Variants in ULK4 observed in about 807,000 individuals in gnomAD.
ULK4 encodes inactive serine/threonine-protein kinase ULK4.
ULK4 carries 133 observed loss-of-function variants against 160.6 expected under a neutral mutation model. The observed-to-expected ratio is 0.83, with a 90% CI of 0.72 to 0.96. ULK4 has a LOEUF of 0.96. Ranked by LOEUF, ULK4 falls within the 40% of genes least tolerant of loss-of-function variation. The pLI is 0.00. For missense variants in ULK4, 1,580 were observed against 1,499.5 expected (o/e 1.05, Z -0.89); for synonymous variants, 534 against 539.8 (o/e 0.99, Z 0.15).
intron 12 of ULK4, among the ~76,000 whole-genome samples, chr3:41,905,999 T>C (rs1018951640): frequency 2.0e-5 from 3 of 151,764 alleles, no homozygotes; most frequent in African/African-American, 7.3e-5. Flanking sequence ...GGGCGGATCA[T>C]GAGATCAGGA....
At chr3:41,681,692 G>C (rs370629679) in intron 28 of ULK4, 40 bp from the exon 29 acceptor site, 1 of 1,613,838 alleles carries the variant, frequency 6.2e-7, no homozygotes, top group Non-Finnish European at 8.5e-7. Flanking sequence ...TGACTCCATG[G>C]AGACAGAATG....
intron 17 of ULK4, among the ~76,000 whole-genome samples, chr3:41,847,121 TG>T (rs923033166): frequency 6.6e-6 from 1 of 152,194 alleles, no homozygotes; most frequent in African/African-American, 2.4e-5. Flanking sequence ...CAAGTATGAC[TG>T]GGTGGAGCCA....
At chr3:41,911,266 GA>G in intron 11 of ULK4, 50 bp downstream of exon 11, 1 of 1,578,662 alleles carries the variant, frequency 6.3e-7, no homozygotes, top group South Asian at 1.1e-5. Context: ...GATGCTTTAA[GA>G]AAATTTAACT....
chr3:41,535,345 G>A (rs1426636880), intron 32 of ULK4, among the ~76,000 whole-genome samples: 3 of 152,192 alleles, frequency 2.0e-5, no homozygotes, highest in Non-Finnish European at 1.5e-5. Context: ...TCAGCCTTAT[G>A]ACAACCTACC....
intron 6 of ULK4, among the ~76,000 whole-genome samples, chr3:41,918,875 A>C (rs551428738): frequency 6.6e-6 from 1 of 152,176 alleles, no homozygotes; most frequent in Non-Finnish European, 1.5e-5. Flanking sequence ...TGCTGGGATT[A>C]CAGGCGTGAG....
At chr3:41,828,933 G>A (rs1218991153) in intron 18 of ULK4, among the ~76,000 whole-genome samples, 1 of 151,642 alleles carries the variant, frequency 6.6e-6, no homozygotes, top group Non-Finnish European at 1.5e-5. Flanking sequence ...GCATGGTACT[G>A]GTACCAAAAC....
chr3:41,447,316 C>T (rs941026321), intron 34 of ULK4, among the ~76,000 whole-genome samples: 12 of 152,062 alleles, frequency 7.9e-5, no homozygotes, highest in African/African-American at 2.7e-4. Context: ...GAAAAGAAGA[C>T]AGGAGAATGC....
At position 41,759,497 on chromosome 3, in the gene ULK4, T is replaced by C. The variant is rs533167923; in HGVS notation, c.2194-5009A>G. On this transcript the variant is annotated intron_variant, in intron 21 of 36. Coordinates refer to ENST00000301831, the MANE Select transcript of ULK4 (RefSeq NM_017886.4). The stretch of plus-strand genomic sequence containing the variant: ...GATTAAAGAAAACTTTTTAAACGTA[T>C]AAATAATGAAGAGACATTCCATGTT... 2.0e-5 allele frequency among the ~76,000 whole-genome samples: 3 copies of C among 152,276 alleles called. No homozygotes were observed. The South Asian group carries it at 6.2e-4, about 32-fold the overall frequency.
At chr3:41,471,728 A>G (rs946123988) in intron 32 of ULK4, among the ~76,000 whole-genome samples, 3 of 152,200 alleles carry the variant, frequency 2.0e-5, no homozygotes, top group Middle Eastern at 3.2e-3. Flanking sequence ...TGACAAATAC[A>G]TGAAAAACAA....
chr3:41,323,311 T>C (rs1313656715), intron 35 of ULK4, among the ~76,000 whole-genome samples: 1 of 150,978 alleles, frequency 6.6e-6, no homozygotes, highest in Non-Finnish European at 1.5e-5. Context: ...ATTAAATTCA[T>C]TAGAGTGGGG....
intron 30 of ULK4, among the ~76,000 whole-genome samples, chr3:41,650,150 T>C (rs2125737863): frequency 1.3e-5 from 2 of 152,294 alleles, no homozygotes; most frequent in African/African-American, 4.8e-5. Flanking sequence ...TTGGGTCTCC[T>C]GGGAGCTATT....
chr3:41,456,472 CATT>C (rs1265274922), intron 33 of ULK4, among the ~76,000 whole-genome samples: 2 of 152,186 alleles, frequency 1.3e-5, no homozygotes, highest in African/African-American at 4.8e-5. Context: ...TCCAACATAT[CATT>C]GCATGAATAG....
chr3:41,723,029 T>C (rs1490147775), intron 22 of ULK4, among the ~76,000 whole-genome samples: 2 of 152,174 alleles, frequency 1.3e-5, no homozygotes, highest in East Asian at 3.9e-4. Flanking sequence ...ACCAGTAGTG[T>C]ATGCGTTCCC....
At chr3:41,791,350 G>A (rs1016581720) in intron 20 of ULK4, among the ~76,000 whole-genome samples, 2 of 152,142 alleles carry the variant, frequency 1.3e-5, no homozygotes, top group African/African-American at 2.4e-5. Context: ...GGTTGGTCTC[G>A]AACTCCTGAC....
intron 17 of ULK4, among the ~76,000 whole-genome samples, chr3:41,852,035 T>C (rs1206389612): frequency 1.3e-5 from 2 of 151,796 alleles, no homozygotes; most frequent in East Asian, 1.9e-4. Context: ...ATAAACGCAA[T>C]AAAAAATGAT....
intron 34 of ULK4, among the ~76,000 whole-genome samples, chr3:41,445,889 T>C (rs915145153): frequency 1.3e-5 from 2 of 151,984 alleles, no homozygotes; most frequent in African/African-American, 4.8e-5. Context: ...CTCATTAAAC[T>C]AAAGAGCTTC....
intron 30 of ULK4, among the ~76,000 whole-genome samples, chr3:41,659,412 A>G (rs372686581): frequency 2.0e-4 from 30 of 152,226 alleles, no homozygotes; most frequent in African/African-American, 7.0e-4. Flanking sequence ...CATTGCCCAG[A>G]CCAACGAACT....
At chr3:41,568,914 G>A (rs1033684513) in intron 31 of ULK4, among the ~76,000 whole-genome samples, 6 of 152,162 alleles carry the variant, frequency 3.9e-5, no homozygotes, top group Admixed American at 6.5e-5. Flanking sequence ...CTTCTGACCC[G>A]CCAGAGTCAA....
intron 32 of ULK4, among the ~76,000 whole-genome samples, chr3:41,549,947 C>T (rs2087002032): frequency 6.6e-6 from 1 of 151,970 alleles, no homozygotes; most frequent in Non-Finnish European, 1.5e-5. Context: ...GAGCTAAGAA[C>T]ACTATGTCTA....
Sources: allele counts gnomAD v4.1 joint callset (sites outside exome capture counted in the v4.1 genomes callset), GRCh38; gene constraint gnomAD v4.1.1; transcripts MANE v1.5; gene names NCBI Gene and HGNC (gene_info 2026-07-23, HGNC 2026-07-21).